Variants in MAML3 observed in about 807,000 individuals in gnomAD.
The protein encoded by MAML3 is mastermind like transcriptional coactivator 3, also known as mastermind-like protein 3.
A neutral mutation model predicts 101.9 loss-of-function variants in MAML3; 27 were observed. The ratio of observed to expected loss-of-function variants is 0.27; its 90% CI spans 0.20 to 0.37. The LOEUF (loss-of-function observed/expected upper bound fraction) is 0.37. MAML3 is among the 10% of genes least tolerant of loss of function. The pLI, the probability that MAML3 is intolerant of heterozygous loss-of-function variation, is 1.00. For synonymous variants in MAML3, 501 were observed against 555.9 expected (o/e 0.90, Z 1.39); for missense variants, 1,316 against 1,444.9 (o/e 0.91, Z 1.45).
At chr4:140,105,937 A>G (rs1042966634) in intron 1 of MAML3, among the ~76,000 whole-genome samples, 1 of 152,090 alleles carries the variant, frequency 6.6e-6, no homozygotes, top group Non-Finnish European at 1.5e-5. Flanking sequence ...AATTCAAAAG[A>G]TGTGAAATGA....
intron 2 of MAML3, among the ~76,000 whole-genome samples, chr4:139,794,948 A>C (rs1730485377): frequency 6.6e-6 from 1 of 152,174 alleles, no homozygotes; most frequent in South Asian, 2.1e-4. Context: ...AAACTCCCAA[A>C]TAGCTGAAGT....
chr4:140,009,326 T>G (rs1726510713), intron 1 of MAML3, among the ~76,000 whole-genome samples: 2 of 152,162 alleles, frequency 1.3e-5, no homozygotes, highest in African/African-American at 2.4e-5. Flanking sequence ...CTGTTTTTTG[T>G]TTTTTAATTT....
intron 2 of MAML3, among the ~76,000 whole-genome samples, chr4:139,815,807 C>T (rs1274962160): frequency 6.6e-6 from 1 of 152,170 alleles, no homozygotes; most frequent in Non-Finnish European, 1.5e-5. Flanking sequence ...AAATCAGATC[C>T]TGGCTCCCTG....
At chr4:139,950,185 T>C (rs959584506) in intron 1 of MAML3, among the ~76,000 whole-genome samples, 7 of 152,128 alleles carry the variant, frequency 4.6e-5, no homozygotes, top group Non-Finnish European at 7.3e-5. Context: ...GGATTACAGA[T>C]GCACACCACC....
chr4:139,813,513 A>G (rs1055172276), intron 2 of MAML3, among the ~76,000 whole-genome samples: 1 of 152,214 alleles, frequency 6.6e-6, no homozygotes, highest in Non-Finnish European at 1.5e-5. Context: ...GCGCTTCAAA[A>G]TTCCTCCTGA....
At chr4:139,925,431 T>G (rs1167945985) in intron 1 of MAML3, among the ~76,000 whole-genome samples, 1 of 152,156 alleles carries the variant, frequency 6.6e-6, no homozygotes, top group African/African-American at 2.4e-5. Flanking sequence ...GGTTTCGTCA[T>G]GTTGGCCAGG....
At position 139,940,564 on chromosome 4, in the gene MAML3, T is replaced by G. The variant is rs935782661; in HGVS notation, c.469-49597A>C. On this transcript the variant is annotated intron_variant, in intron 1 of 4. Coordinates refer to ENST00000509479, the MANE Select transcript of MAML3 (RefSeq NM_018717.5). Reference sequence around the variant, plus strand: ...AAGGCATTCAATAAACAGTATGTGGTACCTTTTAGACCAGGCCAAAGAAAG... The same window carrying G: ...AAGGCATTCAATAAACAGTATGTGGGACCTTTTAGACCAGGCCAAAGAAAG... Among the ~76,000 whole-genome samples the G allele has an allele frequency of 7.2e-5, 11 of 152,204 alleles. No homozygotes were observed. In the East Asian group the frequency reaches 1.9e-3, roughly 27 times the overall value.
intron 1 of MAML3, among the ~76,000 whole-genome samples, chr4:139,954,254 A>G (rs927016347): frequency 2.0e-5 from 3 of 151,990 alleles, no homozygotes; most frequent in African/African-American, 7.3e-5. Flanking sequence ...AAATGGCTGA[A>G]CCCCCTGCAA....
At chr4:139,828,732 T>TAAAAAAAAA (rs529918429) in intron 2 of MAML3, among the ~76,000 whole-genome samples, 2 of 144,448 alleles carry the variant, frequency 1.4e-5, no homozygotes, top group African/African-American at 5.2e-5. Flanking sequence ...TTTTTTTTTT[T>TAAAAAAAAA]AAAAACATAG....
At chr4:139,978,693 C>T (rs1734391194) in intron 1 of MAML3, among the ~76,000 whole-genome samples, 1 of 151,712 alleles carries the variant, frequency 6.6e-6, no homozygotes, top group African/African-American at 2.4e-5. Context: ...CCAATCTGGG[C>T]CCTGGCAGGT....
chr4:139,750,085 T>TCTGAATGGC (rs1386070589), intron 2 of MAML3, among the ~76,000 whole-genome samples: 153 of 152,164 alleles, frequency 1.0e-3, no homozygotes, highest in African/African-American at 3.7e-3. Context: ...CACAAGAAAC[T>TCTGAATGGC]CTGAATGGCA....
chr4:140,110,657 C>T (rs1728425735), intron 1 of MAML3, among the ~76,000 whole-genome samples: 1 of 151,806 alleles, frequency 6.6e-6, no homozygotes, highest in African/African-American at 2.4e-5. Flanking sequence ...CATTCAAAGT[C>T]ACATGGACTT....
At chr4:139,942,652 C>T (rs1483863430) in intron 1 of MAML3, among the ~76,000 whole-genome samples, 2 of 150,406 alleles carry the variant, frequency 1.3e-5, no homozygotes, top group African/African-American at 4.9e-5. Context: ...TTTTGCCAAA[C>T]TATGTCCCTA....
chr4:140,080,406 T>G (rs1202985155), intron 1 of MAML3, among the ~76,000 whole-genome samples: 1 of 152,264 alleles, frequency 6.6e-6, no homozygotes, highest in African/African-American at 2.4e-5. Flanking sequence ...AACGGTAATG[T>G]TCCACACCCA....
At position 139,890,118 on chromosome 4, in the gene MAML3, G is replaced by T; in HGVS notation, c.1318C>A (p.Leu440Met). 6.2e-7 allele frequency: 1 copy of T among 1,613,890 alleles called. No homozygotes were observed. The highest frequency in any genetic ancestry group is 8.5e-7 in the Non-Finnish European group (1 of 1,179,886). The change falls in exon 2 of 5, where the codon CTG (leucine) becomes ATG (methionine). Residue 440 changes from leucine to methionine, a missense_variant. By Grantham distance (15) the Leu-to-Met change is conservative. Transcript: ENST00000509479. The surrounding 1 kb of genome is among the most constrained non-coding windows in gnomAD (Gnocchi z 4.1). ...APPRPGNGYL[L>M]NPAAVTVAGS... ...GCCACTGTCACTGCTGCCGGATTCA[G>T]GAGATAACCATTTCCAGGCCGAGGT...
Position 139,890,217 on chromosome 4 carries a change from C to A in MAML3, c.1219G>T (p.Ala407Ser). Residue 407 changes from alanine (A) to serine (S), a missense_variant, in exon 2 of 5, where the codon GCA becomes TCA. Physicochemically the swap from Ala to Ser is moderately conservative, Grantham distance 99. Transcript: ENST00000509479. This position sits in a 1 kb window ranked among gnomAD's most constrained non-coding sequence, Gnocchi z 4.1. ...VASTPAAPNPASSPANCAVQS... is the reference protein window; with the variant it reads ...VASTPAAPNPSSSPANCAVQS... ...ACAGCACAGTTTGCTGGTGAGCTTG[C>A]AGGGTTTGGAGCTGCGGGAGTGCTG... 1 of 1,613,428 alleles carries A rather than the reference C, an allele frequency of 6.2e-7. No individual in the cohort carries two copies. Among genetic ancestry groups the A allele is most frequent in the Non-Finnish European group, 8.5e-7 (1 of 1,179,870 alleles).
intron 2 of MAML3, among the ~76,000 whole-genome samples, chr4:139,851,613 TA>T (rs1192996127): frequency 2.0e-5 from 3 of 152,212 alleles, no homozygotes; most frequent in Non-Finnish European, 4.4e-5. Flanking sequence ...GGGGCTAACA[TA>T]AAGAATAAAA....
intron 1 of MAML3, among the ~76,000 whole-genome samples, chr4:140,118,912 C>A (rs1728558509): frequency 6.6e-6 from 1 of 152,196 alleles, no homozygotes. Context: ...AGAATGGATG[C>A]AGCATCCTAC....
chr4:139,942,963 G>T (rs536805851), intron 1 of MAML3, among the ~76,000 whole-genome samples: 1 of 152,192 alleles, frequency 6.6e-6, no homozygotes, highest in South Asian at 2.1e-4. Context: ...AGGATAAAAT[G>T]TTTATAGAGA....
Sources: allele counts gnomAD v4.1 joint callset (sites outside exome capture counted in the v4.1 genomes callset), GRCh38; gene constraint gnomAD v4.1.1; non-coding constraint Gnocchi (gnomAD v3.1); transcripts MANE v1.5; gene names NCBI Gene and HGNC (gene_info 2026-07-23, HGNC 2026-07-21).